Variants in HS6ST3 observed in about 807,000 individuals in gnomAD.
HS6ST3 encodes the protein heparan sulfate 6-O-sulfotransferase 3, also known as heparan-sulfate 6-O-sulfotransferase 3.
HS6ST3 carries 12 observed loss-of-function variants against 36.7 expected under a neutral mutation model. The observed-to-expected ratio is 0.33, with a 90% CI of 0.21 to 0.53. The LOEUF is 0.53. HS6ST3 is among the 20% of genes least tolerant of loss of function. HS6ST3 has a pLI of 0.95. For synonymous variants in HS6ST3, 240 were observed against 257.5 expected, an observed-to-expected ratio of 0.93 and a Z score of 0.65; for missense variants, 584 against 640.9, an observed-to-expected ratio of 0.91 and a Z score of 0.96.
At chr13:96,126,797 G>A in intron 1 of HS6ST3, among the ~76,000 whole-genome samples, 1 of 152,248 alleles carries the variant, frequency 6.6e-6, no homozygotes, top group Non-Finnish European at 1.5e-5. Flanking sequence ...CAAATGTTCA[G>A]CCTGTTGCCA....
intron 1 of HS6ST3, among the ~76,000 whole-genome samples, chr13:96,446,698 T>G (rs746027799): frequency 2.6e-5 from 4 of 152,144 alleles, no homozygotes; most frequent in African/African-American, 9.7e-5. Flanking sequence ...GTGAGATCCA[T>G]TGGCTAAAAG....
chr13:96,381,355 T>A (rs1044994683), intron 1 of HS6ST3, among the ~76,000 whole-genome samples: 10 of 151,808 alleles, frequency 6.6e-5, no homozygotes. Flanking sequence ...TATATATATG[T>A]GTGTGTATAT....
intron 1 of HS6ST3, among the ~76,000 whole-genome samples, chr13:96,094,352 T>C (rs1198547467): frequency 6.6e-6 from 1 of 152,206 alleles, no homozygotes; most frequent in African/African-American, 2.4e-5. Context: ...ATTGCAACGA[T>C]AGGTTCCCCA....
At position 96,121,960 on chromosome 13, in the gene HS6ST3, A is replaced by G. The variant is rs147211629; in HGVS notation, c.707+30391A>G. Among the ~76,000 whole-genome samples the G allele has an allele frequency of 3.9e-3, 588 of 152,134 alleles. 2 individuals are homozygous for G. The highest frequency in any genetic ancestry group is 0.014 in the African/African-American group (576 of 41,486). ...ATGAGGAGTAACGTTTGTGAAACCC[A>G]TTGCCCCAAAACACTTTATTCCCTT... On this transcript the variant is annotated intron_variant, in intron 1 of 1. Coordinates refer to ENST00000376705, the MANE Select transcript of HS6ST3 (RefSeq NM_153456.4).
chr13:96,586,790 A>T (rs992457121), intron 1 of HS6ST3, among the ~76,000 whole-genome samples: 1 of 152,096 alleles, frequency 6.6e-6, no homozygotes, highest in Non-Finnish European at 1.5e-5. Flanking sequence ...TGCTGTGCAG[A>T]AGATTTTTAG....
chr13:96,822,835 T>C lies in HS6ST3; in HGVS notation c.708-9655T>C, dbSNP rs570434743. Among the ~76,000 whole-genome samples, 4 of 152,372 alleles carry C rather than the reference T, an allele frequency of 2.6e-5. No homozygotes were observed. In the South Asian group the frequency reaches 8.3e-4, roughly 32 times the overall value. On this transcript the variant is annotated intron_variant, in intron 1 of 1. Coordinates refer to ENST00000376705, the MANE Select transcript of HS6ST3 (RefSeq NM_153456.4). The stretch of plus-strand genomic sequence containing the variant: ...TATAATCGGGTGAGGGACCTCCATC[T>C]TTCTGATCCAGATGTTGGCTTTAAT...
At chr13:96,328,858 A>C (rs918558776) in intron 1 of HS6ST3, among the ~76,000 whole-genome samples, 22 of 151,978 alleles carry the variant, frequency 1.4e-4, no homozygotes, top group East Asian at 7.7e-4. Context: ...ACAATTTCAG[A>C]TCCTGTTATT....
chr13:96,264,137 A>G (rs1234479358), intron 1 of HS6ST3, among the ~76,000 whole-genome samples: 3 of 150,748 alleles, frequency 2.0e-5, no homozygotes, highest in Admixed American at 1.3e-4. Context: ...CATGCCTATG[A>G]TTTTTTTTTT....
At chr13:96,706,529 A>G (rs1430987473) in intron 1 of HS6ST3, among the ~76,000 whole-genome samples, 1 of 150,564 alleles carries the variant, frequency 6.6e-6, no homozygotes, top group Non-Finnish European at 1.5e-5. Context: ...GGCTTTTACA[A>G]CAACCAATGG....
At chr13:96,368,986 A>G (rs1186743875) in intron 1 of HS6ST3, among the ~76,000 whole-genome samples, 1 of 151,754 alleles carries the variant, frequency 6.6e-6, no homozygotes, top group Non-Finnish European at 1.5e-5. Flanking sequence ...TCTAGGAGAG[A>G]CATAAAATTC....
chr13:96,756,995 C>A (rs1876846878), intron 1 of HS6ST3, among the ~76,000 whole-genome samples: 1 of 152,134 alleles, frequency 6.6e-6, no homozygotes, highest in Admixed American at 6.6e-5. Flanking sequence ...TTAGTGTCTC[C>A]CAAGGTGACA....
intron 1 of HS6ST3, among the ~76,000 whole-genome samples, chr13:96,508,791 G>T (rs1448036293): frequency 6.6e-6 from 1 of 152,060 alleles, no homozygotes; most frequent in Non-Finnish European, 1.5e-5. Flanking sequence ...TGGATACTTA[G>T]GTTGGTTCCA....
chr13:96,342,756 A>G (rs191428147), intron 1 of HS6ST3, among the ~76,000 whole-genome samples: 23 of 152,302 alleles, frequency 1.5e-4, no homozygotes, highest in Non-Finnish European at 2.6e-4. Context: ...CACCCTGTCT[A>G]GAGGGAAGCC....
intron 1 of HS6ST3, among the ~76,000 whole-genome samples, chr13:96,689,716 T>C (rs1243309183): frequency 6.6e-6 from 1 of 150,918 alleles, no homozygotes; most frequent in East Asian, 2.0e-4. Context: ...TGTTTAGAGA[T>C]AGATAGATGT....
intron 1 of HS6ST3, among the ~76,000 whole-genome samples, chr13:96,653,890 G>A (rs187004247): frequency 5.3e-4 from 81 of 152,112 alleles, no homozygotes; most frequent in Non-Finnish European, 1.1e-3. Flanking sequence ...ACTTTTTAAC[G>A]GTCACCATTC....
At chr13:96,601,841 T>C (rs1364359393) in intron 1 of HS6ST3, among the ~76,000 whole-genome samples, 2 of 152,198 alleles carry the variant, frequency 1.3e-5, no homozygotes, top group Non-Finnish European at 2.9e-5. Flanking sequence ...GTCACCTAGC[T>C]TTGGATCTGG....
chr13:96,155,551 T>C (rs1017038386), intron 1 of HS6ST3, among the ~76,000 whole-genome samples: 3 of 150,662 alleles, frequency 2.0e-5, no homozygotes, highest in Non-Finnish European at 4.4e-5. Context: ...TTCATGTCTA[T>C]GCTATTCTGG....
At chr13:96,757,042 T>C (rs955474031) in intron 1 of HS6ST3, among the ~76,000 whole-genome samples, 1 of 152,204 alleles carries the variant, frequency 6.6e-6, no homozygotes, top group Non-Finnish European at 1.5e-5. Flanking sequence ...TCTAGAGGCA[T>C]ACCTAGGGAA....
intron 1 of HS6ST3, among the ~76,000 whole-genome samples, chr13:96,419,088 A>T (rs1487259971): frequency 6.6e-6 from 1 of 152,248 alleles, no homozygotes; most frequent in Non-Finnish European, 1.5e-5. Flanking sequence ...GAATAGGCGG[A>T]TGCCTAAAAT....
Sources: allele counts gnomAD v4.1 joint callset (sites outside exome capture counted in the v4.1 genomes callset), GRCh38; gene constraint gnomAD v4.1.1; transcripts MANE v1.5; gene names NCBI Gene and HGNC (gene_info 2026-07-23, HGNC 2026-07-21).